Variants in ADAMTS12 observed in about 807,000 individuals in gnomAD.
ADAMTS12 encodes ADAM metallopeptidase with thrombospondin type 1 motif 12.
A neutral mutation model predicts 167.8 loss-of-function variants in ADAMTS12; 118 were observed. The ratio of observed to expected loss-of-function variants is 0.70; its 90% confidence interval spans 0.61 to 0.82. The LOEUF (loss-of-function observed/expected upper bound fraction) is 0.82. Among genes scored for constraint, ADAMTS12 ranks in the 40% least tolerant of loss-of-function variants. The pLI is 0.00. For missense variants in ADAMTS12, 1,916 were observed against 1,998.8 expected (o/e 0.96, Z 0.79); for synonymous variants, 704 against 716.9 (o/e 0.98, Z 0.29).
intron 3 of ADAMTS12, among the ~76,000 whole-genome samples, chr5:33,746,058 T>C (rs1020778377): frequency 4.6e-5 from 7 of 152,032 alleles, no homozygotes; most frequent in African/African-American, 7.2e-5. Flanking sequence ...AAAACAAATA[T>C]AGAGCAATAA....
chr5:33,576,764 A>G lies in ADAMTS12; in HGVS notation c.3262T>C (p.Ser1088Pro), dbSNP rs1378257491. Residue 1088 changes from serine to proline, a missense_variant, in exon 19 of 24, where the codon TCC (serine) becomes CCC (proline). Physicochemically the swap from Ser to Pro is moderately conservative, Grantham distance 74. Coordinates refer to ENST00000504830, the MANE Select transcript of ADAMTS12 (RefSeq NM_030955.4). ...GATTGGGAAGTGAGGATGGGCTGGG[A>G]AGTGCTTCCAGTGGAAATGAGATAG... is the stretch of plus-strand genomic sequence containing the variant. The part of the protein sequence containing the change: ...SRYLISTGST[S>P]QPILTSQSLS... 1.2e-6 allele frequency: 2 copies of G among 1,614,078 alleles called. No individual in the cohort carries two copies. Among genetic ancestry groups the G allele is most frequent in the Non-Finnish European group, 1.7e-6 (2 of 1,180,046 alleles).
At chr5:33,615,269 T>C (rs1738941083) in intron 15 of ADAMTS12, among the ~76,000 whole-genome samples, 1 of 152,170 alleles carries the variant, frequency 6.6e-6, no homozygotes. Context: ...TCTCTCTAAC[T>C]TTAGACTGTG....
chr5:33,848,060 C>CA (rs5867219), intron 2 of ADAMTS12, among the ~76,000 whole-genome samples: 16 of 151,746 alleles, frequency 1.1e-4, no homozygotes, highest in African/African-American at 3.4e-4. Context: ...ACTAAAAATA[C>CA]AAAAAAAGGA....
At chr5:33,724,545 CTT>C (rs763501455) in intron 3 of ADAMTS12, among the ~76,000 whole-genome samples, 74 of 132,646 alleles carry the variant, frequency 5.6e-4, no homozygotes, top group East Asian at 4.4e-4. Flanking sequence ...CTAACAGCTT[CTT>C]TTTTTTTTTT....
chr5:33,742,847 G>A (rs747767907), intron 3 of ADAMTS12, among the ~76,000 whole-genome samples: 2 of 152,182 alleles, frequency 1.3e-5, no homozygotes, highest in Admixed American at 1.3e-4. Flanking sequence ...GAACAAAAGC[G>A]AGAAAGTATT....
At chr5:33,594,826 G>A (rs1747833747) in intron 17 of ADAMTS12, among the ~76,000 whole-genome samples, 1 of 152,178 alleles carries the variant, frequency 6.6e-6, no homozygotes, top group Non-Finnish European at 1.5e-5. Context: ...ACTGCTAAGA[G>A]ACTGACATCA....
At chr5:33,734,589 A>G (rs1274043738) in intron 3 of ADAMTS12, among the ~76,000 whole-genome samples, 1 of 152,186 alleles carries the variant, frequency 6.6e-6, no homozygotes, top group Non-Finnish European at 1.5e-5. Context: ...CCTAACAAAG[A>G]CCCAGTCCCC....
At chr5:33,809,625 G>A (rs1047207508) in intron 2 of ADAMTS12, among the ~76,000 whole-genome samples, 6 of 152,104 alleles carry the variant, frequency 3.9e-5, no homozygotes, top group Admixed American at 3.9e-4. Flanking sequence ...CTGCAATATG[G>A]CCTTATGGAT....
chr5:33,662,666 C>T (rs1326344030), intron 5 of ADAMTS12, among the ~76,000 whole-genome samples: 1 of 152,196 alleles, frequency 6.6e-6, no homozygotes, highest in Admixed American at 6.5e-5. Context: ...CCTATGCCAG[C>T]CCTGTGGCAT....
rs183462003 is a variant in ADAMTS12, at chr5:33,712,111, C to T, written c.635-28056G>A. ...AAAATGGAGACATATTGGAATGTAA[C>T]GAAATTCTGATGAGGATTAAATGAC... On this transcript the variant is annotated intron_variant, in intron 3 of 23. Coordinates refer to ENST00000504830, the MANE Select transcript of ADAMTS12 (RefSeq NM_030955.4). 2.1e-3 allele frequency among the ~76,000 whole-genome samples: 316 copies of T among 152,168 alleles called. 5 individuals carry two copies. The South Asian group carries it at 0.06, about 29-fold the overall frequency.
intron 20 of ADAMTS12, among the ~76,000 whole-genome samples, chr5:33,560,759 G>A (rs1434433236): frequency 2.2e-5 from 3 of 133,696 alleles, no homozygotes; most frequent in East Asian, 2.3e-4. Flanking sequence ...ATCACACACC[G>A]GGGCCTGTTG....
At chr5:33,573,626 C>A (rs1304517970) in intron 19 of ADAMTS12, among the ~76,000 whole-genome samples, 4 of 152,068 alleles carry the variant, frequency 2.6e-5, no homozygotes, top group Non-Finnish European at 5.9e-5. Flanking sequence ...CATGTTAGAC[C>A]TAAAACCATA....
At position 33,749,820 on chromosome 5, in the gene ADAMTS12, T is replaced by G. The variant is rs138585594; in HGVS notation, c.634+1584A>C. Among the ~76,000 whole-genome samples, 122 of 152,266 alleles carry G rather than the reference T, an allele frequency of 8.0e-4. 1 individual carries two copies. The highest frequency in any genetic ancestry group is 2.8e-3 in the African/African-American group (116 of 41,542). The stretch of plus-strand genomic sequence containing the variant: ...CCCTTCTGTTTTCATGACTAAATAT[T>G]TGCTATTCTCAATTCATTTGTAATT... On this transcript the variant is annotated intron_variant, in intron 3 of 23. Transcript: ENST00000504830.
chr5:33,650,353 G>T (rs1327743433), intron 7 of ADAMTS12, among the ~76,000 whole-genome samples: 1 of 152,154 alleles, frequency 6.6e-6, no homozygotes, highest in Non-Finnish European at 1.5e-5. Context: ...GCTACAATGA[G>T]ATCTGAATAG....
At chr5:33,545,963 A>G in intron 22 of ADAMTS12, 96 bp downstream of exon 22, 1 of 1,460,000 alleles carries the variant, frequency 6.8e-7, no homozygotes, top group Non-Finnish European at 9.2e-7. Context: ...ATACCTATGT[A>G]ACAAACCTGC....
At chr5:33,602,918 CA>C (rs1176003873) in intron 16 of ADAMTS12, among the ~76,000 whole-genome samples, 1 of 152,160 alleles carries the variant, frequency 6.6e-6, no homozygotes, top group Non-Finnish European at 1.5e-5. Context: ...TTGCAGTTTT[CA>C]ATATTTGCTT....
intron 2 of ADAMTS12, among the ~76,000 whole-genome samples, chr5:33,809,384 T>C (rs1747361402): frequency 6.6e-6 from 1 of 152,254 alleles, no homozygotes; most frequent in Admixed American, 6.5e-5. Flanking sequence ...GATATTTTCT[T>C]GTCTTGTGGC....
chr5:33,794,720 G>A (rs1252988782), intron 2 of ADAMTS12, among the ~76,000 whole-genome samples: 1 of 152,182 alleles, frequency 6.6e-6, no homozygotes, highest in East Asian at 1.9e-4. Flanking sequence ...ATGTATCTCA[G>A]CAGCCCTTGA....
At chr5:33,654,388 T>C (rs1328553297) in intron 7 of ADAMTS12, among the ~76,000 whole-genome samples, 1 of 152,220 alleles carries the variant, frequency 6.6e-6, no homozygotes, top group Non-Finnish European at 1.5e-5. Flanking sequence ...TATTATGTTA[T>C]GGATCTTATT....
Sources: gnomAD v4.1 joint callset for allele counts (sites outside exome capture counted in the v4.1 genomes callset) on GRCh38, gnomAD v4.1.1 for gene constraint, MANE v1.5 for transcripts, NCBI Gene and HGNC (gene_info 2026-07-23, HGNC 2026-07-21) for gene names.